C21orf91: variants seen among roughly 807,000 people sequenced by gnomAD.
The protein encoded by C21orf91 is protein EURL homolog.
Under a neutral mutation model 32.9 loss-of-function variants are expected in C21orf91, and 26 were observed. That is an observed-to-expected ratio of 0.79 (90% CI 0.58 to 1.10). The LOEUF (loss-of-function observed/expected upper bound fraction) is 1.10, where lower values mean the gene tolerates loss of function less well. Among genes scored for constraint, C21orf91 ranks in the 50% least tolerant of loss-of-function variants. C21orf91 has a pLI of 0.00. For missense variants in C21orf91, 310 were observed against 341.3 expected (o/e 0.91, Z 0.72); for synonymous variants, 126 against 120.4 (o/e 1.05, Z -0.31).
At chr21:17,801,425 C>A (rs1568751725) in intron 2 of C21orf91, among the ~76,000 whole-genome samples, 1 of 152,062 alleles carries the variant, frequency 6.6e-6, no homozygotes. Flanking sequence ...TGCCCGCCAC[C>A]ACGCCTGGCT....
rs376996901 is a variant in C21orf91 at position 17,793,511 on chromosome 21, G to A, written c.798C>T (p.His266=). ...TCTTCAGAAGCTGTTCGATGGCAAC[G>A]TGGCGGACATGGAGCTGTGAGGCCA... ...DSLASQLHVR[H]VAIEQLLKNC... is the part of the protein sequence containing the mutation. Residue 266 remains histidine, a synonymous_variant, in exon 5 of 5, where the codon CAC becomes CAT. Coordinates refer to ENST00000284881, the MANE Select transcript of C21orf91 (RefSeq NM_001100420.2). 86 of 1,613,416 alleles carry A rather than the reference G, an allele frequency of 5.3e-5. 1 individual carries two copies. The highest frequency in any genetic ancestry group is 2.4e-4 in the African/African-American group (18 of 74,902).
chr21:17,798,104 T>A (rs998993992), intron 2 of C21orf91, among the ~76,000 whole-genome samples: 1 of 152,112 alleles, frequency 6.6e-6, no homozygotes, highest in African/African-American at 2.4e-5. Flanking sequence ...CCAGTTTAAA[T>A]CTGCTTAGCT....
At chr21:17,807,872 A>G (rs1015539429) in intron 2 of C21orf91, among the ~76,000 whole-genome samples, 1 of 152,218 alleles carries the variant, frequency 6.6e-6, no homozygotes, top group African/African-American at 2.4e-5. Context: ...CCAACAGAGT[A>G]TGGTCATATA....
At chr21:17,816,999 T>A (rs983493357) in intron 2 of C21orf91, among the ~76,000 whole-genome samples, 1 of 152,236 alleles carries the variant, frequency 6.6e-6, no homozygotes, top group African/African-American at 2.4e-5. Flanking sequence ...TATTTAATTT[T>A]TTAGAGATGG....
chr21:17,801,302 GCT>G (rs1351819064), intron 2 of C21orf91, among the ~76,000 whole-genome samples: 2 of 148,812 alleles, frequency 1.3e-5, no homozygotes, highest in Non-Finnish European at 3.0e-5. Flanking sequence ...ACGGAGTCTC[GCT>G]CTGTCACCCA....
intron 2 of C21orf91, among the ~76,000 whole-genome samples, chr21:17,805,165 A>G (rs547832996): frequency 2.0e-5 from 3 of 152,334 alleles, no homozygotes; most frequent in Admixed American, 6.5e-5. Context: ...CTGAAGAACT[A>G]AAGTTTTAAT....
At chr21:17,793,735 A>G (rs1193291578) in intron 4 of C21orf91, among the ~76,000 whole-genome samples, 154 bp from the exon 5 acceptor site, 8 of 152,246 alleles carry the variant, frequency 5.3e-5, no homozygotes, top group Admixed American at 2.0e-4. Context: ...TCTACAAAGC[A>G]TATCAGTTCT....
intron 2 of C21orf91, among the ~76,000 whole-genome samples, chr21:17,802,377 TCTCAAA>T (rs1194344947): frequency 6.6e-6 from 1 of 152,120 alleles, no homozygotes; most frequent in Non-Finnish European, 1.5e-5. Context: ...GCCAGGCTGG[TCTCAAA>T]CTCCCCACCT....
intron 2 of C21orf91, among the ~76,000 whole-genome samples, chr21:17,802,394 C>T (rs532527009): frequency 6.6e-6 from 1 of 152,330 alleles, no homozygotes; most frequent in East Asian, 1.9e-4. Context: ...CTCCCCACCT[C>T]AGGTGACCCA....
intron 2 of C21orf91, among the ~76,000 whole-genome samples, chr21:17,806,944 T>C (rs1403848772): frequency 6.6e-6 from 1 of 152,162 alleles, no homozygotes; most frequent in African/African-American, 2.4e-5. Flanking sequence ...AGCTGGTCTA[T>C]ATTCACTCTC....
In C21orf91 at chr21:17,789,829, A is replaced by T. The variant is rs976459446; in HGVS notation, c.*3586T>A. 6.6e-6 allele frequency: 1 copy of T among 152,076 alleles called. No individual in the cohort carries two copies. Among genetic ancestry groups the T allele is most frequent in the Admixed American group, 6.6e-5 (1 of 15,258 alleles). 9.4% of individuals were successfully genotyped at this position (152,076 alleles called of 1,614,324 possible). A position where few individuals can be genotyped will look rare whatever the true frequency, so the allele number is the denominator to read the frequency against. ...CTCTTCCCTGCCCCATGACCACAAA[A>T]CTTTACTTGGTAAGAATAAACTGTT... is the stretch of plus-strand genomic sequence containing the variant. On this transcript the variant is annotated 3_prime_UTR_variant, in exon 5 of 5. Coordinates refer to ENST00000284881, the MANE Select transcript of C21orf91 (RefSeq NM_001100420.2).
intron 2 of C21orf91, among the ~76,000 whole-genome samples, chr21:17,816,552 A>C (rs1167580910): frequency 1.3e-5 from 2 of 152,198 alleles, no homozygotes; most frequent in Non-Finnish European, 2.9e-5. Flanking sequence ...ATATACTAGA[A>C]CCAGACTGCC....
At chr21:17,795,143 T>C (rs1294715067) in intron 4 of C21orf91, 65 bp downstream of exon 4, 5 of 971,464 alleles carry the variant, frequency 5.1e-6, no homozygotes, top group Admixed American at 5.1e-5. Context: ...AGTGGTGTCC[T>C]ATCATAGATG....
chr21:17,799,510 T>C (rs2146250436), intron 2 of C21orf91, among the ~76,000 whole-genome samples: 1 of 152,264 alleles, frequency 6.6e-6, no homozygotes, highest in East Asian at 1.9e-4. Flanking sequence ...GAGGTTTTGC[T>C]GACCGTCTTA....
At position 17,793,347 on chromosome 21, in the gene C21orf91, A is replaced by C. The variant is rs1473633295; in HGVS notation, c.*68T>G. 19 of 1,261,990 alleles carry C rather than the reference A, an allele frequency of 1.5e-5. No individual in the cohort carries two copies. The African/African-American group carries it at 2.7e-4, about 18-fold the overall frequency. 78.2% of individuals were successfully genotyped at this position (1,261,990 alleles called of 1,614,324 possible). Reference sequence around the variant, plus strand: ...AAAAACGGACCACAACTTTCTTCAAACTTCTTCAAAGTTTGCATGTCTGGG... The same window carrying C: ...AAAAACGGACCACAACTTTCTTCAACCTTCTTCAAAGTTTGCATGTCTGGG... On this transcript the variant is annotated 3_prime_UTR_variant, in exon 5 of 5. Transcript: ENST00000284881.
chr21:17,814,652 G>T (rs1049858137), intron 2 of C21orf91, among the ~76,000 whole-genome samples: 2 of 152,066 alleles, frequency 1.3e-5, no homozygotes, highest in African/African-American at 2.4e-5. Context: ...AGAGAGTGAG[G>T]GGGGGAGGTG....
At chr21:17,800,445 A>C (rs1210476160) in intron 2 of C21orf91, among the ~76,000 whole-genome samples, 4 of 152,226 alleles carry the variant, frequency 2.6e-5, no homozygotes, top group Non-Finnish European at 5.9e-5. Context: ...TCATTTTATA[A>C]ATTCTTGAAG....
In C21orf91 at chr21:17,793,478, A is replaced by G. The variant is rs17002088; in HGVS notation, c.831T>C (p.Ser277=). The change falls in exon 5 of 5, where the codon TCT becomes TCC. Residue 277 remains serine (S), a synonymous_variant. Transcript: ENST00000284881. ...GCCCTACTTGCAGACATGGTAACTT[A>G]GAACAGTTCTTCAGAAGCTGTTCGA... ...VAIEQLLKNC[S]KLPCLQVGRT... is the part of the protein sequence containing the mutation. 4.5e-4 allele frequency: 725 copies of G among 1,613,598 alleles called. 3 individuals carry two copies. In the African/African-American group the frequency reaches 8.2e-3, roughly 18 times the overall value.
chr21:17,804,558 C>T (rs1180539432), intron 2 of C21orf91, among the ~76,000 whole-genome samples: 1 of 152,130 alleles, frequency 6.6e-6, no homozygotes, highest in African/African-American at 2.4e-5. Flanking sequence ...TATTGGCAAC[C>T]ACATGAAGCC....
Sources: allele counts gnomAD v4.1 joint callset (sites outside exome capture counted in the v4.1 genomes callset), GRCh38; gene constraint gnomAD v4.1.1; transcripts MANE v1.5; gene names NCBI Gene and HGNC (gene_info 2026-07-23, HGNC 2026-07-21).